SLC22A25: variants seen among roughly 807,000 people sequenced by gnomAD.
SLC22A25 encodes the protein solute carrier family 22 member 25.
SLC22A25 carries 44 observed loss-of-function variants against 45.9 expected under a neutral mutation model. That is an observed-to-expected ratio of 0.96 (90% CI 0.75 to 1.23). SLC22A25 has a LOEUF of 1.23. Ranked by LOEUF, SLC22A25 falls within the 50% of genes most tolerant of loss-of-function variation. SLC22A25 has a pLI of 0.00. For synonymous variants in SLC22A25, 283 were observed against 238.6 expected (o/e 1.19, Z -1.72); for missense variants, 800 against 666.4 (o/e 1.20, Z -2.21).
chr11:63,225,701 G>A (rs1387720441), intron 5 of SLC22A25, among the ~76,000 whole-genome samples: 2 of 152,070 alleles, frequency 1.3e-5, no homozygotes. Flanking sequence ...TCTCTTAATA[G>A]CTCTTTGAAT....
intron 9 of SLC22A25, chr11:63,167,295 C>T (rs114668485): frequency 0.038 from 5,775 of 152,996 alleles, 383 homozygotes; most frequent in African/African-American, 0.13. Flanking sequence ...CCCAGTGGGA[C>T]CTGGAACCTC....
intron 3 of SLC22A25, among the ~76,000 whole-genome samples, chr11:63,230,892 C>A (rs1393557792): frequency 1.3e-5 from 2 of 151,978 alleles, no homozygotes; most frequent in Non-Finnish European, 2.9e-5. Context: ...TGAGTGAGAA[C>A]ATGCGGTGTT....
intron 9 of SLC22A25, among the ~76,000 whole-genome samples, chr11:63,176,064 T>C (rs2088077760): frequency 6.6e-6 from 1 of 152,056 alleles, no homozygotes; most frequent in South Asian, 2.1e-4. Flanking sequence ...CTCCATTCTG[T>C]TCCATTGGTC....
chr11:63,236,641 C>G (rs1406256213), intron 3 of SLC22A25, among the ~76,000 whole-genome samples: 1 of 151,674 alleles, frequency 6.6e-6, no homozygotes, highest in Non-Finnish European at 1.5e-5. Context: ...GTGTGCTGCA[C>G]CCACTGTCCT....
intron 7 of SLC22A25, among the ~76,000 whole-genome samples, chr11:63,192,181 A>G (rs1489254656): frequency 6.6e-6 from 1 of 152,154 alleles, no homozygotes; most frequent in Admixed American, 6.5e-5. Context: ...GGGGATGAAT[A>G]TTCAACATTC....
At chr11:63,234,472 T>C (rs1265227145) in intron 3 of SLC22A25, among the ~76,000 whole-genome samples, 1 of 152,172 alleles carries the variant, frequency 6.6e-6, no homozygotes, top group Non-Finnish European at 1.5e-5. Context: ...CTGCCTTTTT[T>C]TGTTTTCCAT....
At chr11:63,235,236 T>C (rs1207180869) in intron 3 of SLC22A25, among the ~76,000 whole-genome samples, 1 of 152,228 alleles carries the variant, frequency 6.6e-6, no homozygotes, top group Non-Finnish European at 1.5e-5. Context: ...TCCTGCAGAG[T>C]GTTTTCCAAC....
At chr11:63,232,791 A>G (rs1164903780) in intron 3 of SLC22A25, among the ~76,000 whole-genome samples, 2 of 152,150 alleles carry the variant, frequency 1.3e-5, no homozygotes, top group Non-Finnish European at 1.5e-5. Context: ...AGCTCTTATT[A>G]TTTTGAGATT....
At chr11:63,196,372 C>T (rs2134767077) in intron 7 of SLC22A25, among the ~76,000 whole-genome samples, 1 of 152,278 alleles carries the variant, frequency 6.6e-6, no homozygotes, top group East Asian at 1.9e-4. Flanking sequence ...TACTGGCAAA[C>T]CGAATCCAGC....
chr11:63,229,362 C>T lies in SLC22A25; in HGVS notation c.291G>A (p.Lys97=). 6.2e-7 allele frequency: 1 copy of T among 1,614,006 alleles called. No individual in the cohort carries two copies. ...KCRRFVHPQW[K]LIHLNGTFPN... ...GGAAGGTCCCATTCAGATGAATGAG[C>T]TTCCACTGGGGATGGACAAAGCGAC... Residue 97 remains lysine (K), a synonymous_variant, in exon 4 of 12, where the codon AAG becomes AAA. Transcript: ENST00000306494.
chr11:63,222,765 A>G (rs756175564), intron 5 of SLC22A25, among the ~76,000 whole-genome samples: 4 of 151,868 alleles, frequency 2.6e-5, no homozygotes, highest in Non-Finnish European at 5.9e-5. Context: ...AGTCTGTCAT[A>G]TATGGCTTTT....
chr11:63,236,665 C>T lies in SLC22A25; in HGVS notation c.-445+1216G>A, dbSNP rs191633899. Among the ~76,000 whole-genome samples, 246 of 152,032 alleles carry T rather than the reference C, an allele frequency of 1.6e-3. 1 individual carries two copies. Among genetic ancestry groups the T allele is most frequent in the African/African-American group, 5.3e-3 (222 of 41,496 alleles). On this transcript the variant is annotated intron_variant, in intron 3 of 11. Coordinates refer to ENST00000306494, the MANE Select transcript of SLC22A25 (RefSeq NM_199352.6). ...ACCCACTGTCCTGCACCCACTGTCC[C>T]GCACCCACTGTCTGGCACTCCCCAG...
chr11:63,227,286 C>G (rs2089980991), intron 5 of SLC22A25, among the ~76,000 whole-genome samples: 1 of 152,126 alleles, frequency 6.6e-6, no homozygotes, highest in African/African-American at 2.4e-5. Context: ...GAGTCTCTCC[C>G]AAGGTCAATG....
intron 7 of SLC22A25, among the ~76,000 whole-genome samples, chr11:63,199,503 C>A (rs1323546216): frequency 6.6e-6 from 1 of 152,058 alleles, no homozygotes; most frequent in East Asian, 1.9e-4. Context: ...ACAGGATATA[C>A]TAAGACCCTG....
At chr11:63,179,921 G>A (rs2088257504) in intron 9 of SLC22A25, among the ~76,000 whole-genome samples, 2 of 152,152 alleles carry the variant, frequency 1.3e-5, no homozygotes, top group African/African-American at 4.8e-5. Context: ...CACACAGTGT[G>A]TCCAAAGGCC....
intron 3 of SLC22A25, among the ~76,000 whole-genome samples, chr11:63,235,781 CT>C (rs1390503273): frequency 6.6e-6 from 1 of 152,094 alleles, no homozygotes; most frequent in Non-Finnish European, 1.5e-5. Flanking sequence ...GTTTTATCTA[CT>C]TTTGGTCTTT....
At position 63,163,045 on chromosome 11, in the gene SLC22A25, C is replaced by T. The variant is rs1039504655; in HGVS notation, c.*779G>A. ...GGACTAAACATATAAGTCCTGCATT[C>T]TTTAGGACATACTGATTCTTTGCCC... On this transcript the variant is annotated 3_prime_UTR_variant, in exon 12 of 12. Coordinates refer to ENST00000306494, the MANE Select transcript of SLC22A25 (RefSeq NM_199352.6). Among the ~76,000 whole-genome samples, 1 of 152,166 alleles carries T rather than the reference C, an allele frequency of 6.6e-6. No homozygotes were observed. The highest frequency in any genetic ancestry group is 1.5e-5 in the Non-Finnish European group (1 of 68,018).
At chr11:63,177,855 T>G (rs2088155932) in intron 9 of SLC22A25, among the ~76,000 whole-genome samples, 1 of 3,324 alleles carries the variant, frequency 3.0e-4, no homozygotes, top group Non-Finnish European at 6.3e-4. Flanking sequence ...ATATATAATG[T>G]ATATATATAA....
chr11:63,194,890 C>CCAAAAAAA (rs2088954320), intron 7 of SLC22A25, among the ~76,000 whole-genome samples: 1 of 34,626 alleles, frequency 2.9e-5, no homozygotes, highest in Non-Finnish European at 6.2e-5. Flanking sequence ...AAATGGAAAG[C>CCAAAAAAA]AAAAAAAAAA....
Sources: gnomAD v4.1 joint callset for allele counts (sites outside exome capture counted in the v4.1 genomes callset) on GRCh38, gnomAD v4.1.1 for gene constraint, MANE v1.5 for transcripts, NCBI Gene and HGNC (gene_info 2026-07-23, HGNC 2026-07-21) for gene names.